The following HSPA12A variants were observed in gnomAD, a reference collection of about 807,000 sequenced individuals.
The protein encoded by HSPA12A is heat shock protein family A (Hsp70) member 12A.
HSPA12A carries 28 observed loss-of-function variants against 69.2 expected under a neutral mutation model. That is an observed-to-expected ratio of 0.40 (90% CI 0.30 to 0.55). The LOEUF (loss-of-function observed/expected upper bound fraction) is 0.55. Ranked by LOEUF, HSPA12A falls within the 20% of genes least tolerant of loss-of-function variation. The pLI, the probability that HSPA12A is intolerant of heterozygous loss-of-function variation, is 0.38. For synonymous variants in HSPA12A, 345 were observed against 370.5 expected, an observed-to-expected ratio of 0.93 and a Z score of 0.79; for missense variants, 686 against 900.7, an observed-to-expected ratio of 0.76 and a Z score of 3.05.
intron 2 of HSPA12A, among the ~76,000 whole-genome samples, chr10:116,794,611 G>A (rs963435994): frequency 1.3e-5 from 2 of 152,164 alleles, no homozygotes; most frequent in African/African-American, 4.8e-5. Flanking sequence ...TCAGAAGTTC[G>A]AGACCAGCCT....
intron 2 of HSPA12A, among the ~76,000 whole-genome samples, chr10:116,748,399 A>C (rs1321968712): frequency 6.6e-6 from 1 of 152,206 alleles, no homozygotes; most frequent in African/African-American, 2.4e-5. Flanking sequence ...TGCTTGCACA[A>C]GTCTCCAAAA....
intron 2 of HSPA12A, among the ~76,000 whole-genome samples, chr10:116,809,981 G>A (rs969034223): frequency 1.3e-5 from 2 of 152,184 alleles, no homozygotes; most frequent in Non-Finnish European, 2.9e-5. Flanking sequence ...GTTGGTTTAT[G>A]CAAGGCTATG....
In HSPA12A at chr10:116,730,128, A is replaced by G. The variant is rs1851105173; in HGVS notation, c.40+12302T>C. On this transcript the variant is annotated intron_variant, in intron 1 of 11. Transcript: ENST00000369209. ...AACCCTGGAGGCAGAGGTTGCAGTA[A>G]GCTGAGATGGTGCCACTGCACTCCA... Among the ~76,000 whole-genome samples the G allele has an allele frequency of 2.0e-5, 3 of 152,246 alleles. No homozygotes were observed. The South Asian group carries it at 6.2e-4, about 32-fold the overall frequency.
intron 7 of HSPA12A, among the ~76,000 whole-genome samples, chr10:116,682,348 C>G (rs1195033453): frequency 6.6e-6 from 1 of 152,076 alleles, no homozygotes; most frequent in Non-Finnish European, 1.5e-5. Flanking sequence ...AGCTATCTGC[C>G]AAACAGCCTG....
chr10:116,782,830 T>C (rs1181206124), intron 2 of HSPA12A, among the ~76,000 whole-genome samples: 3 of 152,162 alleles, frequency 2.0e-5, no homozygotes, highest in African/African-American at 7.2e-5. Flanking sequence ...AGCTGGGTGG[T>C]GGACTCTCAG....
intron 1 of HSPA12A, among the ~76,000 whole-genome samples, chr10:116,846,435 C>T (rs1000606025): frequency 2.6e-5 from 4 of 151,692 alleles, no homozygotes; most frequent in South Asian, 2.1e-4. Flanking sequence ...CTACAACCTC[C>T]GACTCCCAGG....
intron 2 of HSPA12A, among the ~76,000 whole-genome samples, chr10:116,779,897 A>G (rs1844425353): frequency 1.3e-5 from 2 of 152,038 alleles, no homozygotes; most frequent in Non-Finnish European, 2.9e-5. Context: ...GGCCCATGGC[A>G]CCACTCCCTA....
chr10:116,781,516 A>G (rs1213043130), intron 2 of HSPA12A, among the ~76,000 whole-genome samples: 1 of 151,916 alleles, frequency 6.6e-6, no homozygotes, highest in African/African-American at 2.4e-5. Flanking sequence ...AGGAGTGGGG[A>G]GGGGTGGTGC....
chr10:116,723,889 C>T lies in HSPA12A; in HGVS notation c.41-16604G>A, dbSNP rs782500738. Among the ~76,000 whole-genome samples the T allele has an allele frequency of 2.6e-4, 39 of 152,320 alleles. No individual in the cohort carries two copies. The highest frequency in any genetic ancestry group is 5.0e-4 in the Non-Finnish European group (34 of 68,024). On this transcript the variant is annotated intron_variant, in intron 1 of 11. Transcript: ENST00000369209. The surrounding 1 kb of genome is among the most constrained non-coding windows in gnomAD (Gnocchi z 4.1). ...TCTTGCCCGATGCCCACCTGAGGGC[C>T]CCTGACCATACCCCAGTAGCTGAGG...
intron 1 of HSPA12A, among the ~76,000 whole-genome samples, chr10:116,717,349 G>T (rs1462033036): frequency 6.6e-6 from 1 of 152,218 alleles, no homozygotes; most frequent in Non-Finnish European, 1.5e-5. Context: ...AATAGCTGGA[G>T]GAAGTCAGGA....
chr10:116,830,695 C>T (rs915162084), intron 2 of HSPA12A: 6 of 152,066 alleles, frequency 3.9e-5, no homozygotes, highest in African/African-American at 1.5e-4. Flanking sequence ...ATCCCTCGAG[C>T]CTGGGAGGTC....
At chr10:116,815,163 GATCA>G (rs781486928) in intron 2 of HSPA12A, among the ~76,000 whole-genome samples, 4 of 145,836 alleles carry the variant, frequency 2.7e-5, no homozygotes, top group Admixed American at 7.1e-5. Flanking sequence ...ATCAGCAGCT[GATCA>G]ATCAGCCAGC....
At chr10:116,802,235 G>A (rs989954334) in intron 2 of HSPA12A, among the ~76,000 whole-genome samples, 1 of 152,166 alleles carries the variant, frequency 6.6e-6, no homozygotes. Context: ...TCCCAGAGTA[G>A]GACAATAATC....
intron 1 of HSPA12A, among the ~76,000 whole-genome samples, chr10:116,740,619 C>A (rs1321123689): frequency 3.4e-5 from 5 of 148,922 alleles, no homozygotes; most frequent in Non-Finnish European, 7.4e-5. Flanking sequence ...CCATCCTGGA[C>A]AGGATTTCTC....
At chr10:116,809,675 T>A (rs1416712289) in intron 2 of HSPA12A, among the ~76,000 whole-genome samples, 2 of 152,208 alleles carry the variant, frequency 1.3e-5, no homozygotes, top group Non-Finnish European at 2.9e-5. Context: ...TCAGGAAAAT[T>A]GGCGGTTCCA....
chr10:116,679,681 G>C lies in HSPA12A; in HGVS notation c.1108C>G (p.Gln370Glu). The C allele has an allele frequency of 6.2e-7, 1 of 1,614,186 alleles. No homozygotes were observed. The highest frequency in any genetic ancestry group is 8.5e-7 in the Non-Finnish European group (1 of 1,180,030). Residue 370 changes from glutamine to glutamate, a missense_variant, in exon 10 of 12, where the codon CAA (glutamine) becomes GAA (glutamate). Transcript: ENST00000369209. ...GCTGCAGGGCGTTTGATTTTGAATT[G>C]TTCAATAAAATCCTCTCCAAATATT... ...YKIFGEDFIE[Q>E]FKIKRPAAWV...
chr10:116,770,027 C>T (rs930508706), intron 2 of HSPA12A, among the ~76,000 whole-genome samples: 36 of 152,304 alleles, frequency 2.4e-4, no homozygotes, highest in African/African-American at 8.7e-4. Context: ...ATTCCTCTGA[C>T]TCAGAGCAGA....
chr10:116,719,314 G>A (rs1489934390), intron 1 of HSPA12A, among the ~76,000 whole-genome samples: 5 of 152,182 alleles, frequency 3.3e-5, no homozygotes, highest in African/African-American at 7.2e-5. Context: ...GAAACACCCC[G>A]CCTTTTAAGT....
At chr10:116,826,323 G>C (rs1845504071) in intron 2 of HSPA12A, among the ~76,000 whole-genome samples, 3 of 152,326 alleles carry the variant, frequency 2.0e-5, no homozygotes, top group African/African-American at 7.2e-5. Context: ...CTTCAAGGGA[G>C]CCATTGGCTT....
Sources: gnomAD v4.1 joint callset for allele counts (sites outside exome capture counted in the v4.1 genomes callset) on GRCh38, gnomAD v4.1.1 for gene constraint, Gnocchi (gnomAD v3.1) non-coding constraint, MANE v1.5 for transcripts, NCBI Gene and HGNC (gene_info 2026-07-23, HGNC 2026-07-21) for gene names.